Variants in CCDC138 observed in about 807,000 individuals in gnomAD.
CCDC138 encodes the protein coiled-coil domain containing 138, also known as coiled-coil domain-containing protein 138.
A neutral mutation model predicts 82.3 loss-of-function variants in CCDC138; 66 were observed. The observed-to-expected ratio is 0.80, with a 90% CI of 0.66 to 0.98. CCDC138 has a LOEUF of 0.98. Among genes scored for constraint, CCDC138 ranks in the 50% least tolerant of loss-of-function variants. CCDC138 has a pLI of 0.00. For missense variants in CCDC138, 816 were observed against 758.9 expected, an observed-to-expected ratio of 1.08 and a Z score of -0.88; for synonymous variants, 297 against 265.4, an observed-to-expected ratio of 1.12 and a Z score of -1.16.
At chr2:108,844,181 C>G (rs1690056274) in intron 11 of CCDC138, among the ~76,000 whole-genome samples, 1 of 151,908 alleles carries the variant, frequency 6.6e-6, no homozygotes, top group African/African-American at 2.4e-5. Context: ...CTTTTTCAGC[C>G]CTACCTGATT....
Position 108,811,247 on chromosome 2 carries a change from C to CTCTTTTTTTTTTTTTTTTTTTTTTTT in CCDC138, c.856-1383_856-1382insCTTTTTTTTTTTTTTTTTTTTTTTTT, listed in dbSNP as rs760937756. On this transcript the variant is annotated intron_variant, in intron 7 of 14. Coordinates refer to ENST00000295124, the MANE Select transcript of CCDC138 (RefSeq NM_144978.3). ...CTCCCTTTTCTTTCTTTCTCTCTCT[C>CTCTTTTTTTTTTTTTTTTTTTTTTTT]TTTTTTTTTTTTTTTGACTGTCTCC... Among the ~76,000 whole-genome samples, 39 of 113,888 alleles carry CTCTTTTTTTTTTTTTTTTTTTTTTTT rather than the reference C, an allele frequency of 3.4e-4. 3 individuals carry two copies. The highest frequency in any genetic ancestry group is 1.1e-3 in the African/African-American group (28 of 26,256). The allele number at this position is 113,888 out of a possible 152,430, so 74.7% of individuals were successfully genotyped here.
At chr2:108,862,360 C>T (rs1318299862) in intron 13 of CCDC138, among the ~76,000 whole-genome samples, 1 of 152,128 alleles carries the variant, frequency 6.6e-6, no homozygotes, top group African/African-American at 2.4e-5. Flanking sequence ...GCAGAGCTTC[C>T]TCAGGGATCT....
intron 5 of CCDC138, among the ~76,000 whole-genome samples, chr2:108,796,466 A>C (rs1453353650): frequency 1.3e-5 from 2 of 152,206 alleles, no homozygotes; most frequent in South Asian, 2.1e-4. Flanking sequence ...ATGATCCAGC[A>C]ATCCCACTCC....
intron 11 of CCDC138, among the ~76,000 whole-genome samples, chr2:108,841,274 C>A (rs1416557858): frequency 6.6e-6 from 1 of 152,020 alleles, no homozygotes; most frequent in Admixed American, 6.6e-5. Context: ...TCAATTTGAT[C>A]CTGTTGGTTG....
intron 10 of CCDC138, among the ~76,000 whole-genome samples, chr2:108,832,256 A>C (rs980202177): frequency 2.0e-5 from 3 of 150,350 alleles, no homozygotes; most frequent in Non-Finnish European, 3.0e-5. Context: ...CAAACTCCTG[A>C]CCTCAAGTGA....
At chr2:108,805,459 C>T (rs532999017) in intron 7 of CCDC138, among the ~76,000 whole-genome samples, 1 of 152,272 alleles carries the variant, frequency 6.6e-6, no homozygotes, top group East Asian at 1.9e-4. Flanking sequence ...GGCGCGGTGG[C>T]TCACGCCTGT....
chr2:108,816,668 A>C (rs1463800334), intron 10 of CCDC138, among the ~76,000 whole-genome samples: 1 of 152,244 alleles, frequency 6.6e-6, no homozygotes. Flanking sequence ...TCATGAGGGC[A>C]TCCCTCATAA....
chr2:108,854,037 AATATATAATAAATTTATATTATATATATT>A (rs1558738657), intron 12 of CCDC138, among the ~76,000 whole-genome samples: 18 of 69,350 alleles, frequency 2.6e-4, no homozygotes, highest in African/African-American at 1.0e-3. Context: ...TATTATATAT[AATATATAATAAATTTATATTATATATATT>A]TTATATATAA....
intron 10 of CCDC138, among the ~76,000 whole-genome samples, chr2:108,832,271 C>G (rs1235252867): frequency 1.3e-5 from 2 of 151,574 alleles, no homozygotes; most frequent in African/African-American, 4.9e-5. Flanking sequence ...AAGTGATCTG[C>G]CTGCCTCAGC....
chr2:108,842,913 T>A (rs1689756321), intron 11 of CCDC138, among the ~76,000 whole-genome samples: 1 of 152,238 alleles, frequency 6.6e-6, no homozygotes, highest in Non-Finnish European at 1.5e-5. Context: ...ACAGAAGCTT[T>A]ACTTCCCTTT....
chr2:108,813,129 G>GT (rs1684173511), intron 9 of CCDC138, among the ~76,000 whole-genome samples: 2 of 150,164 alleles, frequency 1.3e-5, no homozygotes, highest in South Asian at 4.2e-4. Flanking sequence ...CACGCCTGTA[G>GT]TCCCAGCTAC....
intron 4 of CCDC138, among the ~76,000 whole-genome samples, chr2:108,792,797 G>C (rs377148504): frequency 1.3e-5 from 2 of 152,212 alleles, no homozygotes; most frequent in Non-Finnish European, 2.9e-5. Context: ...AGGCGCGGTG[G>C]CTCACGCCTG....
intron 13 of CCDC138, among the ~76,000 whole-genome samples, chr2:108,858,496 A>T (rs1273509236): frequency 6.6e-6 from 1 of 152,188 alleles, no homozygotes; most frequent in East Asian, 1.9e-4. Context: ...TGAATCTTTG[A>T]TGATGTCTGA....
At chr2:108,841,072 G>T (rs952293248) in intron 11 of CCDC138, among the ~76,000 whole-genome samples, 2 of 152,052 alleles carry the variant, frequency 1.3e-5, no homozygotes, top group Non-Finnish European at 2.9e-5. Context: ...TTGACCTCAA[G>T]TGATCTGCCC....
intron 12 of CCDC138, among the ~76,000 whole-genome samples, chr2:108,847,299 G>A (rs539212346): frequency 6.6e-6 from 1 of 152,288 alleles, no homozygotes; most frequent in South Asian, 2.1e-4. Context: ...TTTTGTAAAT[G>A]AAGTTTTCTC....
intron 9 of CCDC138, 115 bp from the exon 10 acceptor site, chr2:108,815,826 A>T: frequency 1.2e-6 from 1 of 868,264 alleles, no homozygotes; most frequent in South Asian, 1.8e-5. Context: ...TCCTTAACAC[A>T]TTTTAGTGAA....
chr2:108,816,057 A>G lies in CCDC138; in HGVS notation c.1158A>G (p.Gln386=), dbSNP rs541110064. 2.2e-5 allele frequency: 36 copies of G among 1,613,220 alleles called. No individual in the cohort carries two copies. Among genetic ancestry groups the G allele is most frequent in the Admixed American group, 3.3e-5 (2 of 59,808 alleles). ...EESGMDGKKP[Q]LKFASQRNDI... ...CTGGAATGGATGGTAAAAAACCACA[A>G]CTCAAATTTGCTTCCCAGAGAAATG... Residue 386 remains glutamine (Q), a synonymous_variant, in exon 10 of 15, where the codon CAA becomes CAG. Transcript: ENST00000295124.
At chr2:108,821,566 A>T (rs1456213057) in intron 10 of CCDC138, among the ~76,000 whole-genome samples, 1 of 152,230 alleles carries the variant, frequency 6.6e-6, no homozygotes, top group Non-Finnish European at 1.5e-5. Flanking sequence ...CACAAAAATC[A>T]GTGAAACCCA....
intron 3 of CCDC138, 133 bp downstream of exon 3, chr2:108,789,099 C>T (rs1679470820): frequency 2.8e-6 from 2 of 718,698 alleles, no homozygotes; most frequent in Admixed American, 3.1e-5. Flanking sequence ...AGTCTGGAGC[C>T]TGCTAAATAG....
Sources: gnomAD v4.1 joint callset for allele counts (sites outside exome capture counted in the v4.1 genomes callset) on GRCh38, gnomAD v4.1.1 for gene constraint, MANE v1.5 for transcripts, NCBI Gene and HGNC (gene_info 2026-07-23, HGNC 2026-07-21) for gene names.